The following LDLRAD3 variants were observed in gnomAD, a reference collection of about 807,000 sequenced individuals.
LDLRAD3 encodes the protein low-density lipoprotein receptor class A domain-containing protein 3.
A neutral mutation model predicts 29.4 loss-of-function variants in LDLRAD3; 20 were observed. The ratio of observed to expected loss-of-function variants is 0.68; its 90% CI spans 0.48 to 0.99. The LOEUF is 0.99. Among genes scored for constraint, LDLRAD3 ranks in the 50% least tolerant of loss-of-function variants. The pLI, the probability that LDLRAD3 is intolerant of heterozygous loss-of-function variation, is 0.00. For synonymous variants in LDLRAD3, 157 were observed against 192.7 expected (o/e 0.81, Z 1.53); for missense variants, 420 against 454.3 (o/e 0.92, Z 0.69).
intron 4 of LDLRAD3, among the ~76,000 whole-genome samples, chr11:36,111,778 T>G (rs1192583158): frequency 5.3e-5 from 8 of 152,134 alleles, no homozygotes; most frequent in African/African-American, 1.7e-4. Context: ...TTTTATGTTT[T>G]TAGTAGAGAT....
intron 1 of LDLRAD3, among the ~76,000 whole-genome samples, chr11:35,946,513 C>T (rs556444051): frequency 3.9e-5 from 6 of 152,246 alleles, no homozygotes; most frequent in African/African-American, 1.2e-4. Flanking sequence ...TTGATTTTCA[C>T]CGTTACTATT....
At chr11:35,989,498 T>G (rs1441824942) in intron 1 of LDLRAD3, among the ~76,000 whole-genome samples, 1 of 152,236 alleles carries the variant, frequency 6.6e-6, no homozygotes, top group African/African-American at 2.4e-5. Context: ...ATTATTCTAA[T>G]CCATGAGCAT....
chr11:36,047,243 T>TA (rs562564831), intron 2 of LDLRAD3, among the ~76,000 whole-genome samples: 1 of 152,216 alleles, frequency 6.6e-6, no homozygotes, highest in Admixed American at 6.5e-5. Flanking sequence ...AGCTTGCACA[T>TA]AAAAATTAGA....
chr11:36,165,405 T>G (rs1854499242), intron 4 of LDLRAD3, among the ~76,000 whole-genome samples: 1 of 152,154 alleles, frequency 6.6e-6, no homozygotes, highest in Non-Finnish European at 1.5e-5. Flanking sequence ...GTAAGATTTA[T>G]ATGAGGTATG....
intron 4 of LDLRAD3, among the ~76,000 whole-genome samples, chr11:36,218,444 C>T (rs1565312139): frequency 6.6e-6 from 1 of 152,178 alleles, no homozygotes; most frequent in Non-Finnish European, 1.5e-5. Context: ...AATGTTCAGA[C>T]TTGTGGGAGT....
chr11:36,194,561 G>A (rs1855004026), intron 4 of LDLRAD3, among the ~76,000 whole-genome samples: 1 of 152,124 alleles, frequency 6.6e-6, no homozygotes, highest in Non-Finnish European at 1.5e-5. Context: ...CCCAGGACTT[G>A]GAGTCTTGGT....
chr11:35,991,109 T>C (rs1044366208), intron 1 of LDLRAD3, among the ~76,000 whole-genome samples: 1 of 152,204 alleles, frequency 6.6e-6, no homozygotes, highest in Non-Finnish European at 1.5e-5. Context: ...CCAGAGCATT[T>C]TCTGTTGTTT....
rs539739848 is a variant in LDLRAD3 at position 36,135,359 on chromosome 11, A to G, written c.454+36898A>G. Among the ~76,000 whole-genome samples, 6 of 152,258 alleles carry G rather than the reference A, an allele frequency of 3.9e-5. No homozygotes were observed. The South Asian group carries it at 1.0e-3, about 26-fold the overall frequency. On this transcript the variant is annotated intron_variant, in intron 4 of 5. Transcript: ENST00000315571. The stretch of plus-strand genomic sequence containing the variant: ...TTCCCCATGGCTGGGGTTTGGGAAG[A>G]TTCTGGAGAGTTGTTATTTCTGGCC...
At chr11:36,118,547 A>G (rs952985873) in intron 4 of LDLRAD3, among the ~76,000 whole-genome samples, 15 of 151,544 alleles carry the variant, frequency 9.9e-5, no homozygotes, top group Non-Finnish European at 1.8e-4. Flanking sequence ...GAGAGAGAGA[A>G]AAAAAATACC....
chr11:36,061,997 G>T (rs1015924994), intron 2 of LDLRAD3, among the ~76,000 whole-genome samples: 5 of 151,608 alleles, frequency 3.3e-5, no homozygotes, highest in African/African-American at 1.2e-4. Flanking sequence ...AAAAACAGTA[G>T]TTATAGTAAT....
chr11:35,966,772 G>A (rs1419356852), intron 1 of LDLRAD3, among the ~76,000 whole-genome samples: 2 of 152,166 alleles, frequency 1.3e-5, no homozygotes, highest in Non-Finnish European at 2.9e-5. Flanking sequence ...ATATCAGAAA[G>A]GGTATATATA....
In LDLRAD3 at chr11:36,096,807, A is replaced by C. The variant is rs1343509108; in HGVS notation, c.320-1520A>C. Among the ~76,000 whole-genome samples the C allele has an allele frequency of 4.6e-5, 7 of 152,362 alleles. No homozygotes were observed. The East Asian group carries it at 1.2e-3, about 25-fold the overall frequency. On this transcript the variant is annotated intron_variant, in intron 3 of 5. Coordinates refer to ENST00000315571, the MANE Select transcript of LDLRAD3 (RefSeq NM_174902.4). ...TTTTGACAGCAGATCCCACATTTTC[A>C]GTAGGCACTGGACCTCACAAATCAT...
chr11:36,074,734 A>G (rs1852967675), intron 2 of LDLRAD3, among the ~76,000 whole-genome samples: 1 of 152,224 alleles, frequency 6.6e-6, no homozygotes, highest in African/African-American at 2.4e-5. Context: ...AAAGGTGATC[A>G]GAACCAGACT....
intron 4 of LDLRAD3, among the ~76,000 whole-genome samples, chr11:36,134,373 G>A (rs750979470): frequency 1.3e-5 from 2 of 152,188 alleles, no homozygotes; most frequent in Non-Finnish European, 2.9e-5. Context: ...ATCAGTTCCT[G>A]TAAAAATCGA....
At chr11:36,184,267 C>G (rs1854813141) in intron 4 of LDLRAD3, among the ~76,000 whole-genome samples, 1 of 152,060 alleles carries the variant, frequency 6.6e-6, no homozygotes. Context: ...GTCCAGTCTT[C>G]CATCATTTTT....
intron 4 of LDLRAD3, among the ~76,000 whole-genome samples, chr11:36,225,007 A>G (rs11033503): frequency 0.065 from 9,890 of 152,216 alleles, 438 homozygotes; most frequent in East Asian, 0.2. Flanking sequence ...ATTGAGTGGC[A>G]GGTATTTATT....
chr11:36,067,413 A>T (rs1225901905), intron 2 of LDLRAD3, among the ~76,000 whole-genome samples: 2 of 152,252 alleles, frequency 1.3e-5, no homozygotes, highest in Non-Finnish European at 2.9e-5. Context: ...AATAAGATGT[A>T]ATGTATAAAA....
rs33941156 is a variant in LDLRAD3, at chr11:35,991,867, T to TTGTGTGTGTGTGTGTGTGTGTGTG, written c.47-44222_47-44199dup. On this transcript the variant is annotated intron_variant, in intron 1 of 5. Transcript: ENST00000315571. ...AGCAGTTCATAAATTGAATGGTTGT[T>TTGTGTGTGTGTGTGTGTGTGTGTG]TGTGTGTGTGTGTGTGTGTGTGTGT... is the stretch of plus-strand genomic sequence containing the variant. Among the ~76,000 whole-genome samples the TTGTGTGTGTGTGTGTGTGTGTGTG allele has an allele frequency of 4.7e-4, 39 of 82,768 alleles. 1 individual carries two copies. Among genetic ancestry groups the TTGTGTGTGTGTGTGTGTGTGTGTG allele is most frequent in the African/African-American group, 1.1e-3 (35 of 33,230 alleles). 54.3% of individuals were successfully genotyped at this position (82,768 alleles called of 152,430 possible).
Position 35,944,889 on chromosome 11 carries a change from C to T in LDLRAD3, c.46+745C>T, listed in dbSNP as rs1851037215. On this transcript the variant is annotated intron_variant, in intron 1 of 5. Transcript: ENST00000315571. This position sits in a 1 kb window ranked among gnomAD's most constrained non-coding sequence, Gnocchi z 4.9. ...CCTGGCATCACCACCGCGTGTGCAT[C>T]CCGGGGCCTGGACCGCAGCAAGCCT... is the stretch of plus-strand genomic sequence containing the variant. 6.6e-6 allele frequency among the ~76,000 whole-genome samples: 1 copy of T among 152,232 alleles called. No homozygotes were observed. Among genetic ancestry groups the T allele is most frequent in the South Asian group, 2.1e-4 (1 of 4,834 alleles).
Sources: gnomAD v4.1 joint callset for allele counts (sites outside exome capture counted in the v4.1 genomes callset) on GRCh38, gnomAD v4.1.1 for gene constraint, Gnocchi (gnomAD v3.1) non-coding constraint, MANE v1.5 for transcripts, NCBI Gene and HGNC (gene_info 2026-07-23, HGNC 2026-07-21) for gene names.